The following LYAR variants were observed in gnomAD, a reference collection of about 807,000 sequenced individuals.
LYAR encodes the protein cell growth-regulating nucleolar protein.
Under a neutral mutation model 45.2 loss-of-function variants are expected in LYAR, and 37 were observed. The ratio of observed to expected loss-of-function variants is 0.82; its 90% confidence interval spans 0.63 to 1.08. LYAR has a LOEUF of 1.08. Ranked by LOEUF, LYAR falls within the 50% of genes least tolerant of loss-of-function variation. The pLI, the probability that LYAR is intolerant of heterozygous loss-of-function variation, is 0.00. For synonymous variants in LYAR, 176 were observed against 155.1 expected (o/e 1.14, Z -1.00); for missense variants, 493 against 451.0 (o/e 1.09, Z -0.84).
chr4:4,284,357 G>GATTC (rs1427946206), intron 2 of LYAR, among the ~76,000 whole-genome samples: 4 of 152,150 alleles, frequency 2.6e-5, no homozygotes, highest in Non-Finnish European at 5.9e-5. Flanking sequence ...TTTAGAAAGT[G>GATTC]AAGAAGAGGC....
intron 7 of LYAR, among the ~76,000 whole-genome samples, 154 bp downstream of exon 7, chr4:4,274,213 G>GT (rs1467785113): frequency 1.3e-5 from 2 of 151,792 alleles, no homozygotes; most frequent in Non-Finnish European, 2.9e-5. Context: ...CTCCAGCCTG[G>GT]GCAACAGAGC....
At chr4:4,281,948 C>A in intron 3 of LYAR, 51 bp from the exon 4 acceptor site, 1 of 1,173,508 alleles carries the variant, frequency 8.5e-7, no homozygotes, top group Non-Finnish European at 1.3e-6. Context: ...AAGTTGGAGG[C>A]GCTAATACCA....
intron 8 of LYAR, 92 bp downstream of exon 8, chr4:4,273,490 GT>G (rs1230652216): frequency 2.4e-6 from 2 of 841,398 alleles, no homozygotes; most frequent in Non-Finnish European, 3.9e-6. Context: ...CTGAGCTCAA[GT>G]GACCCTCCTG....
At position 4,274,711 on chromosome 4, in the gene LYAR, G is replaced by A. The variant is rs1334140199; in HGVS notation, c.488C>T (p.Ala163Val). Residue 163 changes from alanine to valine, a missense_variant, in exon 7 of 10, where the codon GCA becomes GTA. By Grantham distance (64) the Ala-to-Val change is moderately conservative. Transcript: ENST00000343470. ...GGCTGGAACCTTGGTGGAGATTTCT[G>A]CATGTGGATTTGCCACTGGGTGGAG... ...RPLHPVANPH[A>V]EISTKVPASK... The A allele has an allele frequency of 1.9e-6, 3 of 1,613,516 alleles. No homozygotes were observed. In the East Asian group the frequency reaches 6.7e-5, roughly 36 times the overall value.
At chr4:4,275,166 C>T (rs2108842007) in intron 6 of LYAR, among the ~76,000 whole-genome samples, 1 of 152,288 alleles carries the variant, frequency 6.6e-6, no homozygotes, top group East Asian at 1.9e-4. Context: ...TCTATTAATT[C>T]CTAGTCAGGT....
At chr4:4,287,684 A>T (rs940587334) in intron 1 of LYAR, among the ~76,000 whole-genome samples, 4 of 152,178 alleles carry the variant, frequency 2.6e-5, no homozygotes, top group African/African-American at 9.7e-5. Context: ...ACCAGGCAGC[A>T]AGCCCAGGCT....
chr4:4,284,202 G>A (rs1438220624), intron 2 of LYAR, among the ~76,000 whole-genome samples: 5 of 152,182 alleles, frequency 3.3e-5, no homozygotes, highest in African/African-American at 1.2e-4. Flanking sequence ...AGCTTTGAGG[G>A]TGTTAAATCT....
chr4:4,287,189 C>G (rs938240305), intron 1 of LYAR, among the ~76,000 whole-genome samples: 1 of 152,150 alleles, frequency 6.6e-6, no homozygotes, highest in African/African-American at 2.4e-5. Flanking sequence ...TGTCCAGTCC[C>G]AGCGCAGCCA....
In LYAR at chr4:4,276,467, C is replaced by T. The variant is rs144676863; in HGVS notation, c.430-1698G>A. Among the ~76,000 whole-genome samples the T allele has an allele frequency of 6.3e-3, 954 of 151,436 alleles. 9 individuals carry two copies. The highest frequency in any genetic ancestry group is 0.022 in the African/African-American group (887 of 41,104). ...CTGAGGCAGGAGAATCACTTGAACC[C>T]GGAAGGTGGAGGTTGCAGTGAGCCA... On this transcript the variant is annotated intron_variant, in intron 6 of 9. Transcript: ENST00000343470.
chr4:4,271,031 C>T (rs1307924812), intron 8 of LYAR, among the ~76,000 whole-genome samples: 1 of 152,198 alleles, frequency 6.6e-6, no homozygotes, highest in South Asian at 2.1e-4. Flanking sequence ...TCCAATTATA[C>T]TCTAGTTATT....
At position 4,274,361 on chromosome 4, in the gene LYAR, A is replaced by T. The variant is rs374249127; in HGVS notation, c.832+6T>A. ...ATGAATCCCAGAGCGTGAGCTAGCC[A>T]CTTACCTTCCGAGTGCCTCCGCTTC... is the stretch of plus-strand genomic sequence containing the variant. On this transcript the variant is annotated splice_donor_region_variant and intron_variant, in intron 7 of 9. Coordinates refer to ENST00000343470, the MANE Select transcript of LYAR (RefSeq NM_017816.3). The T allele has an allele frequency of 1.2e-6, 2 of 1,607,160 alleles. No individual in the cohort carries two copies. The highest frequency in any genetic ancestry group is 1.7e-6 in the Non-Finnish European group (2 of 1,175,992).
rs986928640 is a variant in LYAR, at chr4:4,273,774, C to T, written c.833-105G>A. The T allele has an allele frequency of 2.2e-5, 14 of 650,968 alleles. No homozygotes were observed. In the Admixed American group the frequency reaches 3.1e-4, roughly 15 times the overall value. 40.3% of individuals were successfully genotyped at this position (650,968 alleles called of 1,614,324 possible). On this transcript the variant is annotated intron_variant, in intron 7 of 9. Transcript: ENST00000343470. ...GCTAGGCAAACTCCACGTATCATCT[C>T]ATTTCTTCTCCAAGCTGCCCAGCCC...
intron 8 of LYAR, among the ~76,000 whole-genome samples, chr4:4,271,279 G>A (rs905803514): frequency 2.0e-5 from 3 of 152,104 alleles, no homozygotes; most frequent in Middle Eastern, 3.2e-3. Context: ...TTGTCTTCCT[G>A]TGCTTGGCTT....
intron 6 of LYAR, 90 bp downstream of exon 6, chr4:4,279,357 C>CT: frequency 1.1e-6 from 1 of 872,300 alleles, no homozygotes; most frequent in Non-Finnish European, 1.8e-6. Flanking sequence ...AAAAAGAAGG[C>CT]TGCCTTGACT....
In LYAR at chr4:4,267,960, T is replaced by C. The variant is rs759789353; in HGVS notation, c.1069A>G (p.Ile357Val). The C allele has an allele frequency of 2.0e-5, 33 of 1,612,864 alleles. 1 individual carries two copies. The South Asian group carries it at 3.4e-4, about 17-fold the overall frequency. ...HHRSEEELLV[I>V]FNKKISKNPT... Reference sequence around the variant, plus strand: ...TTCTTGCTGATTTTCTTGTTAAAGATGACCAGGAGTTCCTCTTCGGATCTG... The same window carrying C: ...TTCTTGCTGATTTTCTTGTTAAAGACGACCAGGAGTTCCTCTTCGGATCTG... Residue 357 changes from isoleucine to valine, a missense_variant, in exon 10 of 10, where the codon ATC (isoleucine) becomes GTC (valine). Ile to Val is a conservative substitution (Grantham distance 29). Coordinates refer to ENST00000343470, the MANE Select transcript of LYAR (RefSeq NM_017816.3).
At chr4:4,273,524 G>A in intron 8 of LYAR, 59 bp downstream of exon 8, 1 of 1,260,136 alleles carries the variant, frequency 7.9e-7, no homozygotes. Context: ...AAGTAGCTGG[G>A]ACTATCAGCG....
chr4:4,274,812 T>C (rs770013689), intron 6 of LYAR, 43 bp from the exon 7 acceptor site: 3 of 1,546,954 alleles, frequency 1.9e-6, no homozygotes, highest in Admixed American at 2.1e-5. Flanking sequence ...TCATTTTAAA[T>C]GTGTAAATAG....
At chr4:4,289,404 C>A (rs1011434773) in intron 1 of LYAR, among the ~76,000 whole-genome samples, 4 of 152,180 alleles carry the variant, frequency 2.6e-5, no homozygotes, top group African/African-American at 9.7e-5. Flanking sequence ...GTTGCAAATA[C>A]AGACCCCACC....
chr4:4,275,093 T>C (rs541702086), intron 6 of LYAR, among the ~76,000 whole-genome samples: 37 of 152,074 alleles, frequency 2.4e-4, no homozygotes, highest in Non-Finnish European at 4.9e-4. Flanking sequence ...AAGAGAAGAG[T>C]ACTTAGGGGT....
Sources: allele counts gnomAD v4.1 joint callset (sites outside exome capture counted in the v4.1 genomes callset), GRCh38; gene constraint gnomAD v4.1.1; transcripts MANE v1.5; gene names NCBI Gene and HGNC (gene_info 2026-07-23, HGNC 2026-07-21).